The following WAPL variants were observed in gnomAD, a reference collection of about 807,000 sequenced individuals.
The protein encoded by WAPL is wings apart-like protein homolog.
In WAPL, 5 loss-of-function variants were observed where a neutral mutation model predicts 121.0. That is an observed-to-expected ratio of 0.04 (90% CI 0.02 to 0.09). WAPL has a LOEUF of 0.09. Among genes scored for constraint, WAPL ranks in the 10% least tolerant of loss-of-function variants. The pLI is 1.00. For missense variants in WAPL, 999 were observed against 1,410.8 expected (o/e 0.71, Z 4.68); for synonymous variants, 480 against 481.5 (o/e 1.00, Z 0.04).
intron 4 of WAPL, chr10:86,488,603 T>C (rs1018719534): frequency 6.6e-6 from 1 of 152,230 alleles, no homozygotes; most frequent in African/African-American, 2.4e-5. Flanking sequence ...CAAAGCCAGC[T>C]TGAAGGAACA....
At chr10:86,490,292 G>C (rs950783669) in intron 4 of WAPL, among the ~76,000 whole-genome samples, 1 of 150,928 alleles carries the variant, frequency 6.6e-6, no homozygotes, top group Non-Finnish European at 1.5e-5. Context: ...AGCTCTTTTT[G>C]TTTTATAAAT....
intron 9 of WAPL, among the ~76,000 whole-genome samples, chr10:86,465,421 G>C (rs1317739898): frequency 6.6e-6 from 1 of 152,134 alleles, no homozygotes; most frequent in Non-Finnish European, 1.5e-5. Flanking sequence ...GGCCAGACTG[G>C]TCTCGAACTC....
At position 86,521,427 on chromosome 10, in the gene WAPL, C is replaced by T; in HGVS notation, c.-85G>A. The T allele has an allele frequency of 6.5e-6, 2 of 309,302 alleles. No individual in the cohort carries two copies. Among genetic ancestry groups the T allele is most frequent in the Middle Eastern group, 6.0e-4 (1 of 1,658 alleles). The allele number at this position is 309,302 out of a possible 1,614,324, so 19.2% of individuals were successfully genotyped here. A position where few individuals can be genotyped will look rare whatever the true frequency, so the allele number is the denominator to read the frequency against. On this transcript the variant is annotated 5_prime_UTR_variant, in exon 1 of 19. Transcript: ENST00000298767. ...TCCGCCTCTCCCGCTCCCTACGGCC[C>T]GCGGGCGGGCGCGGAACCCTCGCGC...
At chr10:86,457,692 C>T (rs943191891) in intron 12 of WAPL, among the ~76,000 whole-genome samples, 3 of 151,242 alleles carry the variant, frequency 2.0e-5, no homozygotes, top group East Asian at 1.9e-4. Flanking sequence ...AGATACAAAA[C>T]GTACAAATCC....
intron 4 of WAPL, among the ~76,000 whole-genome samples, chr10:86,476,606 T>C (rs576873365): frequency 1.3e-5 from 2 of 150,896 alleles, no homozygotes; most frequent in African/African-American, 4.9e-5. Flanking sequence ...GGAGAATCAG[T>C]TGAACCCGGG....
At chr10:86,504,391 A>G (rs923001741) in intron 2 of WAPL, among the ~76,000 whole-genome samples, 3 of 149,934 alleles carry the variant, frequency 2.0e-5, no homozygotes, top group South Asian at 2.2e-4. Context: ...CAAAGCAACC[A>G]TCAGGCCAGG....
chr10:86,488,584 G>A (rs763588820), intron 4 of WAPL: 2 of 152,182 alleles, frequency 1.3e-5, no homozygotes, highest in African/African-American at 4.8e-5. Flanking sequence ...GCAAAATAGT[G>A]GGACACATCA....
At chr10:86,491,060 C>T (rs1842036123) in intron 4 of WAPL, among the ~76,000 whole-genome samples, 1 of 147,996 alleles carries the variant, frequency 6.8e-6, no homozygotes, top group Non-Finnish European at 1.5e-5. Context: ...AAGACTCTGT[C>T]TTAAATAAAT....
intron 11 of WAPL, among the ~76,000 whole-genome samples, chr10:86,459,819 A>C (rs1841228450): frequency 6.6e-6 from 1 of 152,216 alleles, no homozygotes; most frequent in African/African-American, 2.4e-5. Context: ...AGGAAAAAAC[A>C]ATAAAGATTG....
At chr10:86,491,833 A>G (rs1589527416) in intron 4 of WAPL, among the ~76,000 whole-genome samples, 2 of 133,052 alleles carry the variant, frequency 1.5e-5, no homozygotes, top group Non-Finnish European at 3.2e-5. Flanking sequence ...TAATACACAC[A>G]ATGATTACTG....
chr10:86,505,044 A>G (rs1273442098), intron 2 of WAPL, among the ~76,000 whole-genome samples: 1 of 152,130 alleles, frequency 6.6e-6, no homozygotes, highest in African/African-American at 2.4e-5. Context: ...ATATTCTGAG[A>G]GCATTTGATT....
intron 15 of WAPL, among the ~76,000 whole-genome samples, chr10:86,450,243 T>A (rs1036072593): frequency 1.4e-4 from 21 of 152,196 alleles, no homozygotes; most frequent in African/African-American, 2.4e-4. Context: ...ATACTTTTTT[T>A]AAACGTTTTT....
chr10:86,484,599 A>T (rs1444940131), intron 4 of WAPL, among the ~76,000 whole-genome samples: 1 of 152,250 alleles, frequency 6.6e-6, no homozygotes, highest in Admixed American at 6.5e-5. Flanking sequence ...TACAGTCTTT[A>T]TAAAGTCTAC....
chr10:86,514,591 TCA>T (rs1491244333), intron 2 of WAPL, among the ~76,000 whole-genome samples: 1 of 152,194 alleles, frequency 6.6e-6, no homozygotes, highest in Non-Finnish European at 1.5e-5. Flanking sequence ...GAGTTTGGAC[TCA>T]GAGTCAGTCC....
At chr10:86,470,159 A>C (rs530069790) in intron 8 of WAPL, among the ~76,000 whole-genome samples, 37 of 152,072 alleles carry the variant, frequency 2.4e-4, no homozygotes, top group African/African-American at 8.7e-4. Flanking sequence ...CAGCCTCCCA[A>C]GTAGCTGGGA....
chr10:86,514,995 C>CA (rs1194468112), intron 2 of WAPL, among the ~76,000 whole-genome samples: 1 of 152,184 alleles, frequency 6.6e-6, no homozygotes, highest in Non-Finnish European at 1.5e-5. Flanking sequence ...CACAGTGGCT[C>CA]ACGCCTATAT....
At chr10:86,507,963 C>CA (rs1183040998) in intron 2 of WAPL, among the ~76,000 whole-genome samples, 1 of 152,084 alleles carries the variant, frequency 6.6e-6, no homozygotes, top group Non-Finnish European at 1.5e-5. Context: ...TGCTGACTGA[C>CA]AAAATGTCTA....
At chr10:86,447,999 G>GTCT (rs1849668075) in intron 15 of WAPL, among the ~76,000 whole-genome samples, 3 of 152,102 alleles carry the variant, frequency 2.0e-5, no homozygotes, top group Non-Finnish European at 2.9e-5. Context: ...AGTAAGCTGA[G>GTCT]ATGGTGCCGC....
chr10:86,455,943 T>C (rs1171007261), intron 12 of WAPL, among the ~76,000 whole-genome samples: 1 of 152,196 alleles, frequency 6.6e-6, no homozygotes, highest in Non-Finnish European at 1.5e-5. Flanking sequence ...GGTATTGAAA[T>C]GACTCTTTAT....
Sources: gnomAD v4.1 joint callset for allele counts (sites outside exome capture counted in the v4.1 genomes callset) on GRCh38, gnomAD v4.1.1 for gene constraint, MANE v1.5 for transcripts, NCBI Gene and HGNC (gene_info 2026-07-23, HGNC 2026-07-21) for gene names.